The following LRRC7 variants were observed in gnomAD, a reference collection of about 807,000 sequenced individuals.
LRRC7 encodes the protein leucine-rich repeat-containing protein 7.
A neutral mutation model predicts 175.7 loss-of-function variants in LRRC7; 23 were observed. The observed-to-expected ratio is 0.13, with a 90% CI of 0.09 to 0.19. The LOEUF is 0.19. Among genes scored for constraint, LRRC7 ranks in the 10% least tolerant of loss-of-function variants. The pLI, the probability that LRRC7 is intolerant of heterozygous loss-of-function variation, is 1.00. For synonymous variants in LRRC7, 685 were observed against 680.9 expected (o/e 1.01, Z -0.09); for missense variants, 1,354 against 1,904.7 (o/e 0.71, Z 5.38).
chr1:69,784,771 TTTAA>T (rs1425694646), intron 3 of LRRC7, among the ~76,000 whole-genome samples: 1 of 152,246 alleles, frequency 6.6e-6, no homozygotes, highest in African/African-American at 2.4e-5. Context: ...CATTTTATTA[TTTAA>T]TTGTTTTGTA....
At chr1:70,088,781 C>A (rs1663800979) in intron 24 of LRRC7, among the ~76,000 whole-genome samples, 1 of 152,058 alleles carries the variant, frequency 6.6e-6, no homozygotes, top group African/African-American at 2.4e-5. Context: ...TCATCCCTGG[C>A]ACTGATGTCA....
At position 70,099,056 on chromosome 1, in the gene LRRC7, G is replaced by A. The variant is rs1295989223; in HGVS notation, c.4546-8696G>A. ...TAGACCAATATCCTTGATGAACATT[G>A]ATGCAAAAATCCTCAATAAAATACT... is the stretch of plus-strand genomic sequence containing the variant. On this transcript the variant is annotated intron_variant, in intron 25 of 26. Coordinates refer to ENST00000651989, the MANE Select transcript of LRRC7 (RefSeq NM_001370785.2). 4.0e-5 allele frequency among the ~76,000 whole-genome samples: 6 copies of A among 150,480 alleles called. No individual in the cohort carries two copies. The South Asian group carries it at 1.3e-3, about 32-fold the overall frequency.
At chr1:69,634,196 A>G (rs1652966540) in intron 1 of LRRC7, among the ~76,000 whole-genome samples, 11 of 152,120 alleles carry the variant, frequency 7.2e-5, no homozygotes, top group Admixed American at 7.2e-4. Flanking sequence ...CTCATTTTAC[A>G]GATATGGAAA....
chr1:69,805,612 C>G (rs1677025919), intron 4 of LRRC7, among the ~76,000 whole-genome samples: 1 of 151,752 alleles, frequency 6.6e-6, no homozygotes, highest in Non-Finnish European at 1.5e-5. Flanking sequence ...GACTACCTTC[C>G]CTTTGTACAG....
intron 4 of LRRC7, among the ~76,000 whole-genome samples, chr1:69,793,997 T>C (rs1675424444): frequency 6.6e-6 from 1 of 151,958 alleles, no homozygotes; most frequent in African/African-American, 2.4e-5. Context: ...TAAAATACTA[T>C]ACAATGAAGT....
At chr1:69,843,722 C>T (rs1570279436) in intron 7 of LRRC7, among the ~76,000 whole-genome samples, 1 of 152,090 alleles carries the variant, frequency 6.6e-6, no homozygotes, top group East Asian at 1.9e-4. Flanking sequence ...CATACTCTTC[C>T]AAAAAGATTC....
intron 3 of LRRC7, among the ~76,000 whole-genome samples, chr1:69,781,707 G>GA (rs1479292084): frequency 3.9e-5 from 1 of 25,730 alleles, no homozygotes; most frequent in Non-Finnish European, 6.6e-5. Context: ...AAGAAAGAAA[G>GA]AAAGAAAGAA....
chr1:69,753,772 T>C (rs1176864468), intron 2 of LRRC7, among the ~76,000 whole-genome samples: 1 of 152,074 alleles, frequency 6.6e-6, no homozygotes, highest in East Asian at 1.9e-4. Context: ...CATAAAACTT[T>C]CAATCTAGTA....
At chr1:69,938,821 C>A (rs1648319775) in intron 8 of LRRC7, among the ~76,000 whole-genome samples, 1 of 151,514 alleles carries the variant, frequency 6.6e-6, no homozygotes, top group Admixed American at 6.6e-5. Context: ...GCCACACCTA[C>A]TAATCAAATT....
At chr1:69,633,221 A>T (rs934311707) in intron 1 of LRRC7, among the ~76,000 whole-genome samples, 6 of 152,038 alleles carry the variant, frequency 3.9e-5, no homozygotes, top group African/African-American at 1.4e-4. Flanking sequence ...TTCTTAAAAA[A>T]TGAGTTAAAT....
chr1:69,582,377 T>A (rs1436223827), intron 1 of LRRC7, among the ~76,000 whole-genome samples: 1 of 152,178 alleles, frequency 6.6e-6, no homozygotes, highest in Admixed American at 6.5e-5. Context: ...CAGCTCTCTT[T>A]ACCCAATCTT....
intron 17 of LRRC7, among the ~76,000 whole-genome samples, chr1:70,024,904 T>C (rs1657922017): frequency 6.6e-6 from 1 of 152,126 alleles, no homozygotes; most frequent in Non-Finnish European, 1.5e-5. Flanking sequence ...TTAAAAATTA[T>C]AAAATATTGT....
intron 25 of LRRC7, among the ~76,000 whole-genome samples, chr1:70,103,278 A>G (rs1245358272): frequency 6.6e-6 from 1 of 152,124 alleles, no homozygotes; most frequent in Non-Finnish European, 1.5e-5. Context: ...AATATGTTAC[A>G]TTACATGGCA....
chr1:69,606,210 C>T (rs2101012927), intron 1 of LRRC7, among the ~76,000 whole-genome samples: 1 of 152,136 alleles, frequency 6.6e-6, no homozygotes, highest in African/African-American at 2.4e-5. Context: ...TCTGGTTTTG[C>T]TGAGGCATCA....
intron 2 of LRRC7, among the ~76,000 whole-genome samples, chr1:69,696,730 G>A (rs1358845289): frequency 6.6e-6 from 1 of 152,110 alleles, no homozygotes; most frequent in Non-Finnish European, 1.5e-5. Context: ...CCTGCTCTGA[G>A]TTCATGTGAG....
chr1:69,864,735 G>A (rs1429758319), intron 7 of LRRC7, among the ~76,000 whole-genome samples: 1 of 152,134 alleles, frequency 6.6e-6, no homozygotes, highest in East Asian at 1.9e-4. Flanking sequence ...TGTAACTGAA[G>A]AAGAAAATTC....
At chr1:69,744,059 C>T (rs1669003239) in intron 2 of LRRC7, among the ~76,000 whole-genome samples, 1 of 151,326 alleles carries the variant, frequency 6.6e-6, no homozygotes, top group South Asian at 2.1e-4. Context: ...CATGATAACT[C>T]AGAGGCAAGC....
chr1:69,765,865 C>T (rs1420195584), intron 3 of LRRC7, among the ~76,000 whole-genome samples: 1 of 152,066 alleles, frequency 6.6e-6, no homozygotes, highest in East Asian at 1.9e-4. Flanking sequence ...GCACAGATTG[C>T]AGTTGTTAGC....
chr1:69,956,209 C>T (rs1650468393), intron 8 of LRRC7, among the ~76,000 whole-genome samples: 1 of 151,848 alleles, frequency 6.6e-6, no homozygotes, highest in Admixed American at 6.6e-5. Flanking sequence ...TTTCCTCTTG[C>T]CTGTATCCTA....
Sources: gnomAD v4.1 joint callset for allele counts (sites outside exome capture counted in the v4.1 genomes callset) on GRCh38, gnomAD v4.1.1 for gene constraint, MANE v1.5 for transcripts, NCBI Gene and HGNC (gene_info 2026-07-23, HGNC 2026-07-21) for gene names.